The following LRRC37A2 variants were observed in gnomAD, a reference collection of about 807,000 sequenced individuals.
LRRC37A2 encodes leucine-rich repeat-containing protein 37A2.
In LRRC37A2, 9 loss-of-function variants were observed where a neutral mutation model predicts 68.8. The ratio of observed to expected loss-of-function variants is 0.13; its 90% CI spans 0.08 to 0.23. The LOEUF is 0.23. LRRC37A2 is among the 10% of genes least tolerant of loss of function. LRRC37A2 has a pLI of 1.00. For synonymous variants in LRRC37A2, 63 were observed against 367.6 expected, an observed-to-expected ratio of 0.17 and a Z score of 9.48; for missense variants, 168 against 950.4, an observed-to-expected ratio of 0.18 and a Z score of 10.82.
the LRRC37A2 span, among the ~76,000 whole-genome samples, chr17:46,750,271 T>C: frequency 4.6e-5 from 7 of 152,208 alleles, no homozygotes; most frequent in African/African-American, 1.7e-4. Flanking sequence ...GAGAATCTCT[T>C]GAACCCAGGA....
the LRRC37A2 span, among the ~76,000 whole-genome samples, chr17:46,676,424 G>C: frequency 7.3e-6 from 1 of 137,504 alleles, no homozygotes; most frequent in Non-Finnish European, 1.5e-5. Flanking sequence ...TAGAGATGGA[G>C]TTTCTCCATG....
chr17:46,810,475 A>C, the LRRC37A2 span, among the ~76,000 whole-genome samples: 5 of 152,198 alleles, frequency 3.3e-5, no homozygotes, highest in African/African-American at 1.2e-4. Flanking sequence ...TCTGAGGCCA[A>C]CTGGTCACGG....
At chr17:46,979,808 C>T in the LRRC37A2 span, among the ~76,000 whole-genome samples, 1 of 147,256 alleles carries the variant, frequency 6.8e-6, no homozygotes, top group African/African-American at 2.5e-5. Flanking sequence ...TTCTTTTTTA[C>T]ACAAACATAG....
the LRRC37A2 span, chr17:47,021,983 C>G: frequency 7.0e-7 from 1 of 1,433,130 alleles, no homozygotes; most frequent in South Asian, 1.2e-5. Context: ...TTTCTTGGTC[C>G]AGCATTTTGA....
At chr17:46,613,152 C>T in the LRRC37A2 span, among the ~76,000 whole-genome samples, 1 of 40,916 alleles carries the variant, frequency 2.4e-5, no homozygotes, top group African/African-American at 7.3e-5. Flanking sequence ...GTGGTGTGTG[C>T]CTGTAGTCCC....
At chr17:47,033,524 C>T in the LRRC37A2 span, 2 of 604,738 alleles carry the variant, frequency 3.3e-6, no homozygotes, top group South Asian at 2.0e-5. Context: ...CCTTGGGATT[C>T]TAGCATAGAT....
chr17:46,819,353 G>C, the LRRC37A2 span, among the ~76,000 whole-genome samples: 1 of 152,196 alleles, frequency 6.6e-6, no homozygotes, highest in Non-Finnish European at 1.5e-5. The surrounding 1 kb of genome is among the most constrained non-coding windows in gnomAD (Gnocchi z 5.3). Flanking sequence ...AGTGTCATTT[G>C]AGTCTTTTGT....
the LRRC37A2 span, among the ~76,000 whole-genome samples, chr17:46,859,475 C>T: frequency 6.6e-6 from 1 of 152,194 alleles, no homozygotes; most frequent in South Asian, 2.1e-4. Flanking sequence ...TTTCTGGACA[C>T]TCTACTCTGT....
At chr17:46,860,227 G>A in the LRRC37A2 span, among the ~76,000 whole-genome samples, 1 of 152,188 alleles carries the variant, frequency 6.6e-6, no homozygotes, top group African/African-American at 2.4e-5. Context: ...CTGTGGCTGA[G>A]GACGGGAAGG....
chr17:46,895,773 C>T, the LRRC37A2 span, among the ~76,000 whole-genome samples: 1 of 152,190 alleles, frequency 6.6e-6, no homozygotes, highest in South Asian at 2.1e-4. Context: ...ATGGTGGGTG[C>T]AGAAATATTT....
chr17:46,997,859 A>T, the LRRC37A2 span, among the ~76,000 whole-genome samples: 10 of 152,000 alleles, frequency 6.6e-5, no homozygotes, highest in Admixed American at 6.6e-4. Context: ...AATCCCAGCT[A>T]CTCGGGAGGC....
the LRRC37A2 span, chr17:46,818,700 G>C: frequency 1.7e-6 from 2 of 1,193,044 alleles, no homozygotes; most frequent in Non-Finnish European, 2.4e-6. Context: ...AATGACTTTC[G>C]GGCTTGTCAG....
chr17:46,719,255 G>T, the LRRC37A2 span, among the ~76,000 whole-genome samples: 1 of 152,188 alleles, frequency 6.6e-6, no homozygotes, highest in African/African-American at 2.4e-5. This position sits in a 1 kb window ranked among gnomAD's most constrained non-coding sequence, Gnocchi z 4.3. Flanking sequence ...TTTTGTTAAA[G>T]ATGTGTGGTC....
the LRRC37A2 span, chr17:46,630,457 A>AT: frequency 3.3e-6 from 1 of 300,992 alleles, no homozygotes; most frequent in Non-Finnish European, 4.8e-6. Flanking sequence ...GAAGGTAGGT[A>AT]TATTTTTTAG....
chr17:46,977,438 C>T, the LRRC37A2 span, among the ~76,000 whole-genome samples: 14,306 of 152,258 alleles, frequency 0.094, 746 homozygotes, highest in Admixed American at 0.16. Flanking sequence ...CCCCCTGTCC[C>T]CAACTTCCAG....
At chr17:46,947,142 A>G in the LRRC37A2 span, among the ~76,000 whole-genome samples, 20 of 152,094 alleles carry the variant, frequency 1.3e-4, 1 homozygote, top group African/African-American at 4.6e-4. Context: ...CCCTGACATG[A>G]ATGTGGATGC....
chr17:46,839,972 C>CTTTCTTTA, the LRRC37A2 span, among the ~76,000 whole-genome samples: 1 of 124,936 alleles, frequency 8.0e-6, no homozygotes, highest in Admixed American at 8.5e-5. Context: ...TTCTTTCTTT[C>CTTTCTTTA]TTTCTCTTCT....
At chr17:46,747,347 C>T in the LRRC37A2 span, among the ~76,000 whole-genome samples, 1 of 152,214 alleles carries the variant, frequency 6.6e-6, no homozygotes, top group East Asian at 1.9e-4. Context: ...GTGGTGCCAT[C>T]TCGGCTCACT....
chr17:46,941,171 A>G, the LRRC37A2 span: 7 of 1,004,870 alleles, frequency 7.0e-6, no homozygotes, highest in Admixed American at 3.1e-4. Context: ...CTTCAGGGGG[A>G]CCACTGTAAG....
Sources: gnomAD v4.1 joint callset for allele counts (sites outside exome capture counted in the v4.1 genomes callset) on GRCh38, gnomAD v4.1.1 for gene constraint, Gnocchi (gnomAD v3.1) non-coding constraint, MANE v1.5 for transcripts, NCBI Gene and HGNC (gene_info 2026-07-23, HGNC 2026-07-21) for gene names.